The following SERPINE2 variants were observed in gnomAD, a reference collection of about 807,000 sequenced individuals.
SERPINE2 encodes glia-derived nexin.
In SERPINE2, 14 loss-of-function variants were observed where a neutral mutation model predicts 36.3. The observed-to-expected ratio is 0.39, with a 90% CI of 0.25 to 0.60. The LOEUF (loss-of-function observed/expected upper bound fraction) is 0.60. SERPINE2 is among the 20% of genes least tolerant of loss of function. The pLI is 0.57. For synonymous variants in SERPINE2, 192 were observed against 191.8 expected (o/e 1.00, Z -0.01); for missense variants, 418 against 499.6 (o/e 0.84, Z 1.56).
intron 1 of SERPINE2, chr2:224,038,655 C>G (rs1267264845): frequency 1.5e-5 from 11 of 725,272 alleles, no homozygotes; most frequent in Admixed American, 1.1e-4. Flanking sequence ...AAGAGTGCGC[C>G]AGTCTCTCCC....
At chr2:224,033,232 T>C (rs1692432932) in intron 1 of SERPINE2, among the ~76,000 whole-genome samples, 1 of 152,196 alleles carries the variant, frequency 6.6e-6, no homozygotes, top group Non-Finnish European at 1.5e-5. Context: ...GTTGACAAGA[T>C]TCAAGTATAT....
At chr2:224,038,039 G>A (rs1214732922) in intron 1 of SERPINE2, among the ~76,000 whole-genome samples, 1 of 152,138 alleles carries the variant, frequency 6.6e-6, no homozygotes, top group Non-Finnish European at 1.5e-5. Context: ...TGTTGAAACT[G>A]TCTTCAATTT....
At chr2:223,983,746 G>T (rs946159380) in intron 5 of SERPINE2, among the ~76,000 whole-genome samples, 1 of 129,722 alleles carries the variant, frequency 7.7e-6, no homozygotes, top group Non-Finnish European at 1.8e-5. Flanking sequence ...ATGTGTGTGT[G>T]TGTGTGTGTG....
intron 1 of SERPINE2, among the ~76,000 whole-genome samples, chr2:224,006,653 C>T (rs1530020): frequency 5.9e-5 from 9 of 152,116 alleles, no homozygotes; most frequent in Admixed American, 2.0e-4. Flanking sequence ...TAGGGCCTTA[C>T]CATTCATTGG....
intron 1 of SERPINE2, among the ~76,000 whole-genome samples, chr2:224,015,805 A>T (rs1280840699): frequency 1.3e-5 from 2 of 152,248 alleles, no homozygotes; most frequent in Non-Finnish European, 2.9e-5. Flanking sequence ...ATTGGACCTC[A>T]TCAAAATGAA....
At chr2:224,006,003 G>T (rs570066838) in intron 1 of SERPINE2, among the ~76,000 whole-genome samples, 1 of 152,158 alleles carries the variant, frequency 6.6e-6, no homozygotes, top group African/African-American at 2.4e-5. Flanking sequence ...TTATGAAATA[G>T]CTGGGTACTG....
At chr2:224,021,333 G>A (rs780864567) in intron 1 of SERPINE2, among the ~76,000 whole-genome samples, 7 of 152,178 alleles carry the variant, frequency 4.6e-5, no homozygotes, top group Non-Finnish European at 7.3e-5. Flanking sequence ...CGGAGCTTGA[G>A]AGGTTGCACA....
chr2:223,998,303 A>G lies in SERPINE2; in HGVS notation c.299T>C (p.Val100Ala). 3.1e-6 allele frequency: 5 copies of G among 1,614,126 alleles called. No homozygotes were observed. The highest frequency in any genetic ancestry group is 4.2e-6 in the Non-Finnish European group (5 of 1,179,956). Residue 100 changes from valine (V) to alanine (A), a missense_variant, in exon 3 of 9, where the codon GTC becomes GCC. Coordinates refer to ENST00000409304, the MANE Select transcript of SERPINE2 (RefSeq NM_001136528.2). ...KILKKINKAI[V>A]SKKNKDIVTV... ...CACAATGTCTTTATTCTTCTTGGAG[A>G]CGATGGCCTTGTTGATCTTCTTTAA... is the stretch of plus-strand genomic sequence containing the variant.
At chr2:224,002,721 G>T (rs944165603) in intron 1 of SERPINE2, among the ~76,000 whole-genome samples, 1 of 142,614 alleles carries the variant, frequency 7.0e-6, no homozygotes, top group South Asian at 2.2e-4. Context: ...GGCTGGTCTC[G>T]AATGTCTGGC....
Position 223,975,762 on chromosome 2 carries a change from A to G in SERPINE2, c.*105T>C, listed in dbSNP as rs1270137205. 2.2e-6 allele frequency: 2 copies of G among 917,872 alleles called. No individual in the cohort carries two copies. Among genetic ancestry groups the G allele is most frequent in the Admixed American group, 5.0e-5 (2 of 40,214 alleles). 56.9% of individuals were successfully genotyped at this position (917,872 alleles called of 1,614,324 possible). The stretch of plus-strand genomic sequence containing the variant: ...TTCCTAAGAACTAGTTTTGAAAAAG[A>G]AGCGATGTACAAAAATATTTAACAG... On this transcript the variant is annotated 3_prime_UTR_variant, in exon 9 of 9. Transcript: ENST00000409304.
intron 8 of SERPINE2, among the ~76,000 whole-genome samples, chr2:223,976,627 G>A (rs1038706014): frequency 3.9e-5 from 6 of 152,186 alleles, no homozygotes; most frequent in Non-Finnish European, 5.9e-5. Flanking sequence ...AAATATATTA[G>A]TGCCTACTCT....
chr2:224,013,213 G>A (rs1216657121), intron 1 of SERPINE2, among the ~76,000 whole-genome samples: 2 of 152,170 alleles, frequency 1.3e-5, no homozygotes, highest in African/African-American at 4.8e-5. Flanking sequence ...AGGAACGTGG[G>A]AGCTGCTGAG....
intron 4 of SERPINE2, among the ~76,000 whole-genome samples, chr2:223,988,220 A>T: frequency 6.6e-6 from 1 of 152,184 alleles, no homozygotes; most frequent in East Asian, 1.9e-4. Flanking sequence ...CCCAGGCTGG[A>T]AAGCAGTGAT....
intron 2 of SERPINE2, among the ~76,000 whole-genome samples, chr2:223,999,723 C>T (rs13392412): frequency 0.21 from 31,648 of 152,176 alleles, 3,461 homozygotes; most frequent in African/African-American, 0.26. Context: ...GGCCAATATT[C>T]TTAGAACTTC....
intron 1 of SERPINE2, among the ~76,000 whole-genome samples, chr2:224,022,476 A>T (rs563490428): frequency 6.6e-6 from 1 of 152,272 alleles, no homozygotes; most frequent in South Asian, 2.1e-4. Flanking sequence ...TAAGAAACAG[A>T]TAGGAAATAA....
At chr2:224,011,342 A>G (rs904744424) in intron 1 of SERPINE2, among the ~76,000 whole-genome samples, 4 of 152,234 alleles carry the variant, frequency 2.6e-5, no homozygotes, top group African/African-American at 9.6e-5. Context: ...TTAGACATAA[A>G]AAATATTACA....
At chr2:223,992,060 G>T in intron 3 of SERPINE2, 60 bp from the exon 4 acceptor site, 1 of 1,414,008 alleles carries the variant, frequency 7.1e-7, no homozygotes, top group Non-Finnish European at 9.9e-7. Context: ...CCGGCTTGAG[G>T]GCAAATGGCA....
intron 3 of SERPINE2, among the ~76,000 whole-genome samples, chr2:223,995,683 C>G (rs374632890): frequency 6.6e-6 from 1 of 152,184 alleles, no homozygotes; most frequent in Non-Finnish European, 1.5e-5. Flanking sequence ...GTGAGTCCCA[C>G]GCAAATCAAG....
chr2:224,031,569 T>C (rs952755078), intron 1 of SERPINE2: 1 of 910,968 alleles, frequency 1.1e-6, no homozygotes, highest in Non-Finnish European at 1.3e-6. Flanking sequence ...CCACGTGACC[T>C]AGCATCAGCC....
Sources: gnomAD v4.1 joint callset for allele counts (sites outside exome capture counted in the v4.1 genomes callset) on GRCh38, gnomAD v4.1.1 for gene constraint, MANE v1.5 for transcripts, NCBI Gene and HGNC (gene_info 2026-07-23, HGNC 2026-07-21) for gene names.